TNIK: variants seen among roughly 807,000 people sequenced by gnomAD.
TNIK encodes the protein TRAF2 and NCK interacting kinase, also known as TRAF2 and NCK-interacting protein kinase.
TNIK carries 49 observed loss-of-function variants against 191.3 expected under a neutral mutation model. The observed-to-expected ratio is 0.26, with a 90% CI of 0.20 to 0.32. The LOEUF (loss-of-function observed/expected upper bound fraction) is 0.32, where lower values mean the gene tolerates loss of function less well. Among genes scored for constraint, TNIK ranks in the 10% least tolerant of loss-of-function variants. The pLI is 1.00. For missense variants in TNIK, 1,155 were observed against 1,702.3 expected (o/e 0.68, Z 5.66); for synonymous variants, 594 against 600.9 (o/e 0.99, Z 0.17).
chr3:171,272,136 C>CCAG, intron 2 of TNIK, among the ~76,000 whole-genome samples: 1 of 152,224 alleles, frequency 6.6e-6, no homozygotes, highest in Non-Finnish European at 1.5e-5. Flanking sequence ...GCTTCCTCTG[C>CCAG]TGGTTCCTGG....
intron 2 of TNIK, among the ~76,000 whole-genome samples, chr3:171,328,661 TACCA>T (rs1176341090): frequency 1.3e-5 from 2 of 152,234 alleles, no homozygotes; most frequent in African/African-American, 4.8e-5. Context: ...CTGAAATACC[TACCA>T]GTGAGAAGGA....
chr3:171,315,697 C>G (rs1754526208), intron 2 of TNIK, among the ~76,000 whole-genome samples: 1 of 152,064 alleles, frequency 6.6e-6, no homozygotes, highest in African/African-American at 2.4e-5. Context: ...TGGTTACCAA[C>G]ATTTCTTGAC....
chr3:171,371,286 AC>A (rs1251945638), intron 1 of TNIK, among the ~76,000 whole-genome samples: 1 of 152,236 alleles, frequency 6.6e-6, no homozygotes, highest in Non-Finnish European at 1.5e-5. Context: ...GTTTGATCTG[AC>A]AAGTCAGGAT....
At chr3:171,123,247 G>C (rs1276369468) in intron 18 of TNIK, among the ~76,000 whole-genome samples, 1 of 152,196 alleles carries the variant, frequency 6.6e-6, no homozygotes, top group Non-Finnish European at 1.5e-5. Context: ...ATTTTGTTCT[G>C]CTGACTCTAA....
At position 171,110,765 on chromosome 3, in the gene TNIK, C is replaced by A; in HGVS notation, c.2233G>T (p.Gly745Cys). ...CCTGCTTGTGATCCAGGCTGGGAGC[C>A]TCCTTGGGAGCTGGGCTGGGAGCTA... ...TPSSQPSSQG[G>C]SQPGSQAGSS... Residue 745 changes from glycine to cysteine, a missense_variant, in exon 19 of 33, where the codon GGC becomes TGC. Transcript: ENST00000436636. 1 of 1,603,270 alleles carries A rather than the reference C, an allele frequency of 6.2e-7. No individual in the cohort carries two copies. Among genetic ancestry groups the A allele is most frequent in the Admixed American group, 1.7e-5 (1 of 58,628 alleles).
intron 4 of TNIK, among the ~76,000 whole-genome samples, chr3:171,209,708 A>AT (rs1246413731): frequency 1.3e-5 from 2 of 151,992 alleles, no homozygotes; most frequent in African/African-American, 4.8e-5. Context: ...CCCCCAAATA[A>AT]TTTTTCTTTT....
intron 1 of TNIK, among the ~76,000 whole-genome samples, chr3:171,375,218 A>G (rs959413474): frequency 6.6e-6 from 1 of 152,240 alleles, no homozygotes; most frequent in African/African-American, 2.4e-5. Context: ...TAGGACTTTA[A>G]TAAATATTCA....
At chr3:171,403,154 G>T (rs1036820416) in intron 1 of TNIK, among the ~76,000 whole-genome samples, 3 of 152,192 alleles carry the variant, frequency 2.0e-5, no homozygotes, top group African/African-American at 7.2e-5. Context: ...TCCAGCCTGG[G>T]GCTGGTCAGA....
At chr3:171,426,193 G>T (rs1318267567) in intron 1 of TNIK, among the ~76,000 whole-genome samples, 3 of 151,842 alleles carry the variant, frequency 2.0e-5, no homozygotes, top group East Asian at 3.9e-4. Flanking sequence ...AAGAAAATGT[G>T]GCACATATAC....
At chr3:171,229,369 C>T (rs368682834) in intron 2 of TNIK, among the ~76,000 whole-genome samples, 6 of 152,178 alleles carry the variant, frequency 3.9e-5, no homozygotes, top group South Asian at 4.1e-4. Context: ...AGGGCCTCCC[C>T]CATAGATGCT....
chr3:171,090,031 G>A (rs1008513059), intron 23 of TNIK, among the ~76,000 whole-genome samples: 7 of 152,118 alleles, frequency 4.6e-5, no homozygotes, highest in Non-Finnish European at 8.8e-5. Flanking sequence ...ATTCCCACTG[G>A]AATTTAATAT....
chr3:171,158,642 G>T (rs1480353959), intron 11 of TNIK, among the ~76,000 whole-genome samples: 1 of 152,222 alleles, frequency 6.6e-6, no homozygotes, highest in Non-Finnish European at 1.5e-5. Flanking sequence ...AGTCACTGTA[G>T]TAAGCTCTAA....
intron 15 of TNIK, among the ~76,000 whole-genome samples, chr3:171,137,505 GT>G (rs1730198648): frequency 1.3e-5 from 2 of 152,134 alleles, no homozygotes; most frequent in African/African-American, 4.8e-5. Flanking sequence ...TTTGGTTGGG[GT>G]TATTTTGTTT....
At chr3:171,182,554 T>G (rs1182638479) in intron 7 of TNIK, among the ~76,000 whole-genome samples, 3 of 152,206 alleles carry the variant, frequency 2.0e-5, no homozygotes, top group Non-Finnish European at 2.9e-5. Context: ...GCCTAGCCTG[T>G]GGCATGATTA....
intron 4 of TNIK, among the ~76,000 whole-genome samples, chr3:171,203,132 T>C (rs751097502): frequency 2.6e-5 from 4 of 152,220 alleles, no homozygotes; most frequent in Non-Finnish European, 4.4e-5. Context: ...AAATTTTTAA[T>C]GGCATTATCT....
intron 22 of TNIK, among the ~76,000 whole-genome samples, chr3:171,098,140 AAAGAGTCATTTTACAGTGGAG>A (rs1387778803): frequency 4.6e-5 from 7 of 152,144 alleles, no homozygotes; most frequent in Non-Finnish European, 1.0e-4. Flanking sequence ...AGCGGAAATA[AAAGAGTCATTTTACAGTGGAG>A]AAATCTTCCC....
intron 20 of TNIK, 115 bp from the exon 21 acceptor site, chr3:171,107,321 A>G: frequency 3.4e-6 from 3 of 890,722 alleles, no homozygotes; most frequent in Non-Finnish European, 5.2e-6. Flanking sequence ...TAAATACAAA[A>G]GGGCGAAGAG....
At chr3:171,266,218 A>T (rs943508071) in intron 2 of TNIK, among the ~76,000 whole-genome samples, 4 of 152,344 alleles carry the variant, frequency 2.6e-5, no homozygotes, top group Admixed American at 1.3e-4. Flanking sequence ...AGGACTGTGG[A>T]CTTGAGTTTT....
At chr3:171,192,450 T>C (rs1185669219) in intron 5 of TNIK, among the ~76,000 whole-genome samples, 1 of 152,220 alleles carries the variant, frequency 6.6e-6, no homozygotes, top group African/African-American at 2.4e-5. Context: ...TCTCTTCCAG[T>C]GAGTCATGTC....
Sources: allele counts gnomAD v4.1 joint callset (sites outside exome capture counted in the v4.1 genomes callset), GRCh38; gene constraint gnomAD v4.1.1; transcripts MANE v1.5; gene names NCBI Gene and HGNC (gene_info 2026-07-23, HGNC 2026-07-21).